Variants in MUC5B observed in about 807,000 individuals in gnomAD.
MUC5B encodes mucin-5B.
MUC5B carries 116 observed loss-of-function variants against 376.9 expected under a neutral mutation model. The ratio of observed to expected loss-of-function variants is 0.31; its 90% CI spans 0.26 to 0.36. The LOEUF is 0.36. Ranked by LOEUF, MUC5B falls within the 10% of genes least tolerant of loss-of-function variation. The pLI is 1.00. For missense variants in MUC5B, 7,165 were observed against 7,769.9 expected (o/e 0.92, Z 2.93); for synonymous variants, 3,517 against 3,390.9 (o/e 1.04, Z -1.29).
intron 18 of MUC5B, 46 bp from the exon 19 acceptor site, chr11:1,233,747 C>T (rs1173784066): frequency 2.4e-5 from 38 of 1,563,316 alleles, no homozygotes; most frequent in Admixed American, 5.6e-5. Context: ...GTGGGGTCTG[C>T]GGGGTGAGGG....
At position 1,255,550 on chromosome 11, in the gene MUC5B, G is replaced by T. The variant is rs112475790; in HGVS notation, c.16058G>T (p.Gly5353Val). The change falls in exon 37 of 49, where the codon GGC (glycine) becomes GTC (valine). Residue 5353 changes from glycine (G) to valine (V), a missense_variant. Physicochemically the swap from Gly to Val is moderately radical, Grantham distance 109. Transcript: ENST00000529681. ...VCSDWRGATG[G>V]LCDLTCPPTK... ...AGTGACTGGCGAGGTGCAACCGGTG[G>T]CCTGTGCGGTGAGTGGGGGCGGCCC... 10 of 1,530,618 alleles carry T rather than the reference G, an allele frequency of 6.5e-6. No individual in the cohort carries two copies. The highest frequency in any genetic ancestry group is 5.5e-5 in the African/African-American group (4 of 72,528). 94.8% of individuals were successfully genotyped at this position (1,530,618 alleles called of 1,614,324 possible). A position where few individuals can be genotyped will look rare whatever the true frequency, so the allele number is the denominator to read the frequency against.
chr11:1,241,849 C>T lies in MUC5B; in HGVS notation c.4969C>T (p.Leu1657=), dbSNP rs776419475. 3.1e-6 allele frequency: 5 copies of T among 1,613,354 alleles called. No individual in the cohort carries two copies. The African/African-American group carries it at 4.0e-5, about 13-fold the overall frequency. Residue 1657 remains leucine (L), a synonymous_variant, in exon 31 of 49, where the codon CTG becomes TTG. Coordinates refer to ENST00000529681, the MANE Select transcript of MUC5B (RefSeq NM_002458.3). ...TTAVPTLSEG[L]TSPRYTSTLG... ...AGCAGTCCCCACCCTCTCAGAAGGA[C>T]TGACATCCCCCAGATACACAAGCAC...
rs1564945766 is a variant in MUC5B at position 1,247,864 on chromosome 11, C to T, written c.10984C>T (p.Arg3662Cys). 2.5e-6 allele frequency: 4 copies of T among 1,610,140 alleles called. No homozygotes were observed. The highest frequency in any genetic ancestry group is 2.2e-5 in the East Asian group (1 of 44,812). The part of the protein sequence containing the change: ...KFKMCFNYEI[R>C]VFCCNYGHCP... ...CAAGATGTGCTTCAACTATGAAATC[C>T]GTGTGTTCTGCTGCAACTACGGCCA... The change falls in exon 31 of 49, where the codon CGT becomes TGT. Residue 3662 changes from arginine (R) to cysteine (C), a missense_variant. Coordinates refer to ENST00000529681, the MANE Select transcript of MUC5B (RefSeq NM_002458.3).
In MUC5B at chr11:1,235,154, T is replaced by C. The variant is rs1486742969; in HGVS notation, c.2700T>C (p.Asp900=). ...LCLGTCVAYG[D]GHFITFDGDR... ...TGGGCACCTGCGTGGCCTACGGGGA[T>C]GGCCACTTCATCACCTTTGATGGCG... The change falls in exon 22 of 49, where the codon GAT becomes GAC. Residue 900 remains aspartate, a synonymous_variant. Coordinates refer to ENST00000529681, the MANE Select transcript of MUC5B (RefSeq NM_002458.3). 3 of 1,612,860 alleles carry C rather than the reference T, an allele frequency of 1.9e-6. No individual in the cohort carries two copies. The highest frequency in any genetic ancestry group is 8.5e-7 in the Non-Finnish European group (1 of 1,179,714).
intron 34 of MUC5B, 40 bp from the exon 35 acceptor site, chr11:1,254,654 G>A (rs747490024): frequency 1.3e-6 from 2 of 1,588,724 alleles, no homozygotes; most frequent in Admixed American, 1.7e-5. Flanking sequence ...AGCCCACCTG[G>A]CACTGCCTCC....
chr11:1,254,114 C>T lies in MUC5B; in HGVS notation c.15240C>T (p.Gly5080=). Reference sequence around the variant, plus strand: ...CAGGCATCTGCAGCATGTGGGGCGGCTCCCACTATTCCACCTTTGACGGCA... The same window carrying T: ...CAGGCATCTGCAGCATGTGGGGCGGTTCCCACTATTCCACCTTTGACGGCA... The part of the protein sequence containing the change: ...ECECICSMWG[G]SHYSTFDGTS... Residue 5080 remains glycine, a synonymous_variant, in exon 34 of 49, where the codon GGC becomes GGT. Transcript: ENST00000529681. The T allele has an allele frequency of 6.2e-7, 1 of 1,612,436 alleles. No individual in the cohort carries two copies. The highest frequency in any genetic ancestry group is 1.1e-5 in the South Asian group (1 of 91,078).
At position 1,245,867 on chromosome 11, in the gene MUC5B, A is replaced by T. The variant is rs71469860; in HGVS notation, c.8987A>T (p.Gln2996Leu). 7.8e-5 allele frequency: 125 copies of T among 1,611,030 alleles called. No homozygotes were observed. The highest frequency in any genetic ancestry group is 5.0e-4 in the Middle Eastern group (3 of 6,044). ...TPGTTWILTE[Q>L]TTAATTTATT... ...GGGACGACCTGGATCCTCACAGAGC[A>T]GACCACAGCAGCCACTACGACCGCA... Residue 2996 changes from glutamine to leucine, a missense_variant, in exon 31 of 49, where the codon CAG (glutamine) becomes CTG (leucine). Gln to Leu is a moderately radical substitution (Grantham distance 113). Around this residue, in one of 31 missense-constraint regions of MUC5B, gnomAD observed 939 missense variants for 770.6 expected, o/e 1.22. Coordinates refer to ENST00000529681, the MANE Select transcript of MUC5B (RefSeq NM_002458.3).
Position 1,234,612 on chromosome 11 carries a change from C to A in MUC5B, c.2562C>A (p.Asp854Glu). 3.8e-6 allele frequency: 6 copies of A among 1,562,928 alleles called. No individual in the cohort carries two copies. The highest frequency in any genetic ancestry group is 5.2e-6 in the Non-Finnish European group (6 of 1,154,410). ...DGSGGCIAEE[D>E]CPCVHNEATY... is the part of the protein sequence containing the mutation. The stretch of plus-strand genomic sequence containing the variant: ...GTGGGGGCTGCATTGCCGAGGAGGA[C>A]TGCCCCTGTGTGCACAACGAGGCCA... The change falls in exon 21 of 49, where the codon GAC becomes GAA. Residue 854 changes from aspartate (D) to glutamate (E), a missense_variant. Physicochemically the swap from Asp to Glu is conservative, Grantham distance 45. Around this residue, in one of 31 missense-constraint regions of MUC5B, gnomAD observed 530 missense variants for 604.0 expected, o/e 0.88. Coordinates refer to ENST00000529681, the MANE Select transcript of MUC5B (RefSeq NM_002458.3). The surrounding 1 kb of genome is among the most constrained non-coding windows in gnomAD (Gnocchi z 6.3).
At position 1,246,342 on chromosome 11, in the gene MUC5B, G is replaced by A. The variant is rs200874675; in HGVS notation, c.9462G>A (p.Pro3154=). Residue 3154 remains proline, a synonymous_variant, in exon 31 of 49, where the codon CCG becomes CCA. Coordinates refer to ENST00000529681, the MANE Select transcript of MUC5B (RefSeq NM_002458.3). The stretch of plus-strand genomic sequence containing the variant: ...CAGCCACTGGCCCCACGGCCACCCC[G>A]TCCTCCACCCCAGGGACCACCTGGA... ...TTAATGPTAT[P]SSTPGTTWIL... 36 of 1,600,402 alleles carry A rather than the reference G, an allele frequency of 2.2e-5. No individual in the cohort carries two copies. Among genetic ancestry groups the A allele is most frequent in the Non-Finnish European group, 2.6e-5 (30 of 1,171,806 alleles).
intron 33 of MUC5B, 86 bp from the exon 34 acceptor site, chr11:1,254,006 C>A: frequency 6.6e-7 from 1 of 1,520,658 alleles, no homozygotes; most frequent in Non-Finnish European, 8.8e-7. Flanking sequence ...AGGCGGCAGT[C>A]ACAGTGGTGA....
rs1021303739 is a variant in MUC5B, at chr11:1,241,933, G to A, written c.5053G>A (p.Val1685Ile). 1 of 1,608,186 alleles carries A rather than the reference G, an allele frequency of 6.2e-7. No individual in the cohort carries two copies. Among genetic ancestry groups the A allele is most frequent in the African/African-American group, 1.3e-5 (1 of 74,856 alleles). Residue 1685 changes from valine (V) to isoleucine (I), a missense_variant, in exon 31 of 49, where the codon GTC (valine) becomes ATC (isoleucine). By Grantham distance (29) the Val-to-Ile change is conservative. Around this residue, in one of 31 missense-constraint regions of MUC5B, gnomAD observed 897 missense variants for 779.6 expected, o/e 1.15. Coordinates refer to ENST00000529681, the MANE Select transcript of MUC5B (RefSeq NM_002458.3). ...GCCTGCAGGCTCCACAGAACCCACT[G>A]TCCCAGGGGTGGCCACATCCACCCT... ...TTPAGSTEPTVPGVATSTLPT... is the reference protein window; with the variant it reads ...TTPAGSTEPTIPGVATSTLPT...
At chr11:1,229,406 A>C in intron 9 of MUC5B, 111 bp downstream of exon 9, 1 of 1,292,312 alleles carries the variant, frequency 7.7e-7, no homozygotes, top group South Asian at 1.5e-5. Context: ...AGAAGGTCCC[A>C]CCAGAGGGCC....
rs895570250 is a variant in MUC5B, at chr11:1,257,245, G to C, written c.16243G>C (p.Val5415Leu). The change falls in exon 40 of 49, where the codon GTG becomes CTG. Residue 5415 changes from valine (V) to leucine (L), a missense_variant. Physicochemically the swap from Val to Leu is conservative, Grantham distance 32 (BLOSUM62 1). Around this residue, in one of 31 missense-constraint regions of MUC5B, gnomAD observed 842 missense variants for 1,016.9 expected, o/e 0.83. Coordinates refer to ENST00000529681, the MANE Select transcript of MUC5B (RefSeq NM_002458.3). The surrounding 1 kb of genome is among the most constrained non-coding windows in gnomAD (Gnocchi z 8.9). ...MGICVQACPC[V>L]GPDGFPKFPG... The stretch of plus-strand genomic sequence containing the variant: ...CCATGCTGTTTTCTTTCCAGCCTGC[G>C]TGGGACCCGATGGGTTTCCTAAATT... The C allele has an allele frequency of 3.8e-6, 3 of 779,824 alleles. No individual in the cohort carries two copies. Among genetic ancestry groups the C allele is most frequent in the African/African-American group, 1.7e-5 (1 of 59,274 alleles). The allele number at this position is 779,824 out of a possible 1,614,324, so 48.3% of individuals were successfully genotyped here.
At chr11:1,256,462 A>AGG in intron 38 of MUC5B, 1 of 374,850 alleles carries the variant, frequency 2.7e-6, no homozygotes, top group Non-Finnish European at 4.8e-6. Context: ...CCCGCCACCG[A>AGG]GCCCCACCCA....
Position 1,246,734 on chromosome 11 carries a change from C to A in MUC5B, c.9854C>A (p.Thr3285Asn), listed in dbSNP as rs774551809. The change falls in exon 31 of 49, where the codon ACC (threonine) becomes AAC (asparagine). Residue 3285 changes from threonine (T) to asparagine (N), a missense_variant. By Grantham distance (65) the Thr-to-Asn change is moderately conservative. Around this residue, in one of 31 missense-constraint regions of MUC5B, gnomAD observed 939 missense variants for 770.6 expected, o/e 1.22. Coordinates refer to ENST00000529681, the MANE Select transcript of MUC5B (RefSeq NM_002458.3). Reference sequence around the variant, plus strand: ...TCCACAGTGCTTACCACCACGACCACCACAACCAGGGCCACCGGCTCTGTG... The same window carrying A: ...TCCACAGTGCTTACCACCACGACCAACACAACCAGGGCCACCGGCTCTGTG... ...HTSTVLTTTT[T>N]TTRATGSVAT... The A allele has an allele frequency of 5.0e-6, 8 of 1,609,142 alleles. No homozygotes were observed. The highest frequency in any genetic ancestry group is 1.1e-5 in the South Asian group (1 of 90,930).
At position 1,226,703 on chromosome 11, in the gene MUC5B, T is replaced by C. The variant is rs1485925964; in HGVS notation, c.288T>C (p.Pro96=). Residue 96 remains proline (P), a synonymous_variant, in exon 4 of 49, where the codon CCT becomes CCC. Coordinates refer to ENST00000529681, the MANE Select transcript of MUC5B (RefSeq NM_002458.3). The part of the protein sequence containing the change: ...KTFDGDVFRF[P]GLCNYVFSEH... Reference sequence around the variant, plus strand: ...TCGACGGCGACGTCTTCCGCTTCCCTGGCCTTTGCAACTACGTGTTCTCTG... The same window carrying C: ...TCGACGGCGACGTCTTCCGCTTCCCCGGCCTTTGCAACTACGTGTTCTCTG... 1.9e-6 allele frequency: 3 copies of C among 1,612,798 alleles called. No homozygotes were observed. The highest frequency in any genetic ancestry group is 1.7e-6 in the Non-Finnish European group (2 of 1,179,812).
rs1486072523 is a variant in MUC5B, at chr11:1,249,238, A to G, written c.12358A>G (p.Ile4120Val). 17 of 1,611,530 alleles carry G rather than the reference A, an allele frequency of 1.1e-5. No homozygotes were observed. The highest frequency in any genetic ancestry group is 1.4e-5 in the Non-Finnish European group (17 of 1,179,590). Residue 4120 changes from isoleucine (I) to valine (V), a missense_variant, in exon 31 of 49, where the codon ATA becomes GTA. Physicochemically the swap from Ile to Val is conservative, Grantham distance 29 (BLOSUM62 3). This residue lies in a region of MUC5B where 47 missense variants were observed against 88.4 expected (regional missense o/e 0.53). Coordinates refer to ENST00000529681, the MANE Select transcript of MUC5B (RefSeq NM_002458.3). Reference sequence around the variant, plus strand: ...GCCCAGCAGCCCCACATCGGCCCCCATAACCACGGTGGTGACCACGGGCTG... The same window carrying G: ...GCCCAGCAGCCCCACATCGGCCCCCGTAACCACGGTGGTGACCACGGGCTG... ...LLPSSPTSAPITTVVTTGCEP... is the reference protein window; with the variant it reads ...LLPSSPTSAPVTTVVTTGCEP...
chr11:1,225,820 C>G, intron 2 of MUC5B, 83 bp downstream of exon 2: 2 of 1,334,526 alleles, frequency 1.5e-6, no homozygotes, highest in Middle Eastern at 4.0e-4. Context: ...AGACGCCTCT[C>G]CAAGCAGCCA....
Position 1,230,545 on chromosome 11 carries a change from C to T in MUC5B, c.1415C>T (p.Thr472Met), listed in dbSNP as rs546308873. 2.2e-4 allele frequency: 357 copies of T among 1,611,762 alleles called. 1 individual carries two copies. In the Middle Eastern group the frequency reaches 7.9e-3, roughly 36 times the overall value. The change falls in exon 12 of 49, where the codon ACG becomes ATG. Residue 472 changes from threonine (T) to methionine (M), a missense_variant. Transcript: ENST00000529681. ...VLAELRKCGL[T>M]DNENCLKAVT... ...GCTGAGCTGCGGAAGTGCGGCCTGA[C>T]GGACAACGAGAACTGCCTGAAAGCG...
Sources: gnomAD v4.1 joint callset for allele counts on GRCh38, gnomAD v4.1.1 for gene constraint, gnomAD v4.1.1 regional missense constraint, Gnocchi (gnomAD v3.1) non-coding constraint, MANE v1.5 for transcripts, NCBI Gene and HGNC (gene_info 2026-07-23, HGNC 2026-07-21) for gene names.